The following CPA3 variants were observed in gnomAD, a reference collection of about 807,000 sequenced individuals.
The protein encoded by CPA3 is carboxypeptidase A3.
CPA3 carries 52 observed loss-of-function variants against 55.8 expected under a neutral mutation model. That is an observed-to-expected ratio of 0.93 (90% CI 0.75 to 1.17). The LOEUF (loss-of-function observed/expected upper bound fraction) is 1.17, where lower values mean the gene tolerates loss of function less well. Ranked by LOEUF, CPA3 falls within the 50% of genes most tolerant of loss-of-function variation. The pLI, the probability that CPA3 is intolerant of heterozygous loss-of-function variation, is 0.00. For synonymous variants in CPA3, 179 were observed against 171.2 expected, an observed-to-expected ratio of 1.05 and a Z score of -0.36; for missense variants, 547 against 509.1, an observed-to-expected ratio of 1.07 and a Z score of -0.72.
intron 3 of CPA3, among the ~76,000 whole-genome samples, chr3:148,877,539 G>C (rs986617191): frequency 6.6e-6 from 1 of 151,816 alleles, no homozygotes; most frequent in East Asian, 1.9e-4. Context: ...GGAAGATAAG[G>C]TGTAAGCCGT....
At chr3:148,893,483 A>G (rs978887949) in intron 10 of CPA3, among the ~76,000 whole-genome samples, 2 of 152,174 alleles carry the variant, frequency 1.3e-5, no homozygotes, top group Admixed American at 1.3e-4. Flanking sequence ...CGCTCTGAAG[A>G]CAGAAAATAA....
At position 148,865,971 on chromosome 3, in the gene CPA3, C is replaced by T. The variant is rs555248329; in HGVS notation, c.144+423C>T. 3.3e-5 allele frequency among the ~76,000 whole-genome samples: 5 copies of T among 152,288 alleles called. No homozygotes were observed. The South Asian group carries it at 1.0e-3, about 32-fold the overall frequency. The stretch of plus-strand genomic sequence containing the variant: ...GGCTAATATCAAGATGTGACCCTTT[C>T]CAAGAGCAGGTACATTTTCAAATAA... On this transcript the variant is annotated intron_variant, in intron 2 of 10. Coordinates refer to ENST00000296046, the MANE Select transcript of CPA3 (RefSeq NM_001870.4).
chr3:148,879,738 T>C (rs965546790), intron 5 of CPA3, 50 bp from the exon 6 acceptor site: 5 of 1,200,814 alleles, frequency 4.2e-6, no homozygotes, highest in African/African-American at 1.5e-5. Context: ...CAACAAGGGA[T>C]CAATGTGTGA....
chr3:148,873,122 AAT>A (rs1714111967), intron 3 of CPA3, among the ~76,000 whole-genome samples: 2 of 151,572 alleles, frequency 1.3e-5, no homozygotes, highest in African/African-American at 4.9e-5. Flanking sequence ...CCTCCCAGTG[AAT>A]AAATGAGTAG....
At position 148,878,561 on chromosome 3, in the gene CPA3, T is replaced by G. The variant is rs553566790; in HGVS notation, c.372+18T>G. 9 of 1,585,510 alleles carry G rather than the reference T, an allele frequency of 5.7e-6. No individual in the cohort carries two copies. The South Asian group carries it at 1.0e-4, about 18-fold the overall frequency. On this transcript the variant is annotated intron_variant, in intron 4 of 10. Transcript: ENST00000296046. ...GGGAAAAGGTACAGTAAAAAATGCCTGTACTTTTTTTTAAGTTACCCTTAA... is the reference window on the plus strand; with the variant it reads ...GGGAAAAGGTACAGTAAAAAATGCCGGTACTTTTTTTTAAGTTACCCTTAA...
chr3:148,865,620 A>G lies in CPA3; in HGVS notation c.144+72A>G, dbSNP rs186016274. The G allele has an allele frequency of 2.5e-4, 331 of 1,332,086 alleles. No individual in the cohort carries two copies. The African/African-American group carries it at 4.0e-3, about 16-fold the overall frequency. 82.5% of individuals were successfully genotyped at this position (1,332,086 alleles called of 1,614,324 possible). A position where few individuals can be genotyped will look rare whatever the true frequency, so the allele number is the denominator to read the frequency against. Reference sequence around the variant, plus strand: ...AGATGCTTCTTCTTATTTTACTGTCAATGCCCATGGGACTACAAAAGACTA... The same window carrying G: ...AGATGCTTCTTCTTATTTTACTGTCGATGCCCATGGGACTACAAAAGACTA... On this transcript the variant is annotated intron_variant, in intron 2 of 10. Transcript: ENST00000296046.
At chr3:148,866,075 T>TG (rs1362143117) in intron 2 of CPA3, among the ~76,000 whole-genome samples, 2 of 152,244 alleles carry the variant, frequency 1.3e-5, no homozygotes, top group African/African-American at 2.4e-5. Flanking sequence ...CTCCTATTTA[T>TG]GTTGCACCAG....
At chr3:148,892,208 T>G (rs971601807) in intron 10 of CPA3, among the ~76,000 whole-genome samples, 22 of 152,004 alleles carry the variant, frequency 1.4e-4, no homozygotes, top group African/African-American at 5.3e-4. Flanking sequence ...TCTCCTCAGG[T>G]CCCTCCTCTT....
chr3:148,873,373 A>ACG (rs142730237), intron 3 of CPA3, among the ~76,000 whole-genome samples: 4,399 of 126,264 alleles, frequency 0.035, 103 homozygotes, highest in Middle Eastern at 0.096. Flanking sequence ...ACGCGCGCAC[A>ACG]CGCGCACACA....
At chr3:148,869,080 A>G in intron 3 of CPA3, 41 bp downstream of exon 3, 1 of 1,603,702 alleles carries the variant, frequency 6.2e-7, no homozygotes, top group Non-Finnish European at 8.5e-7. Context: ...GGATATTCAA[A>G]GTTTTGGGAG....
In CPA3 at chr3:148,883,960, A is replaced by C. The variant is rs1329772081; in HGVS notation, c.981+145A>C. ...TGAAATTTGCCTTGAAGTTAAAATC[A>C]TGATCTTTAGATTGATTTTTCATTG... On this transcript the variant is annotated intron_variant, in intron 9 of 10. Transcript: ENST00000296046. 5 of 641,950 alleles carry C rather than the reference A, an allele frequency of 7.8e-6. No individual in the cohort carries two copies. The African/African-American group carries it at 9.2e-5, about 12-fold the overall frequency. The allele number at this position is 641,950 out of a possible 1,614,324, so 39.8% of individuals were successfully genotyped here. A position where few individuals can be genotyped will look rare whatever the true frequency, so the allele number is the denominator to read the frequency against.
chr3:148,870,485 C>CA (rs1350734330), intron 3 of CPA3, among the ~76,000 whole-genome samples: 2 of 151,936 alleles, frequency 1.3e-5, no homozygotes, highest in Admixed American at 1.3e-4. Flanking sequence ...CATAAGTGAG[C>CA]AAAAAACATT....
intron 4 of CPA3, 48 bp from the exon 5 acceptor site, chr3:148,878,599 T>G: frequency 6.4e-7 from 1 of 1,565,954 alleles, no homozygotes; most frequent in East Asian, 2.2e-5. Context: ...TTTATTGTCA[T>G]TTTGTTTTCT....
intron 10 of CPA3, 45 bp from the exon 11 acceptor site, chr3:148,896,475 T>C (rs1486785748): frequency 7.0e-7 from 1 of 1,432,546 alleles, no homozygotes; most frequent in African/African-American, 1.4e-5. Flanking sequence ...TAAAAAAACA[T>C]TAGCATTTGT....
intron 3 of CPA3, among the ~76,000 whole-genome samples, chr3:148,876,211 T>C (rs1163517522): frequency 6.6e-6 from 1 of 151,398 alleles, no homozygotes; most frequent in Admixed American, 6.6e-5. Context: ...AAAATATATA[T>C]ATATATAAAT....
intron 3 of CPA3, among the ~76,000 whole-genome samples, chr3:148,871,284 T>G (rs1190493039): frequency 2.0e-5 from 3 of 152,218 alleles, no homozygotes; most frequent in Admixed American, 2.0e-4. Context: ...TATGATAAAC[T>G]AATTCTTACA....
intron 4 of CPA3, 37 bp downstream of exon 4, chr3:148,878,580 C>A: frequency 6.4e-7 from 1 of 1,560,526 alleles, no homozygotes; most frequent in Non-Finnish European, 8.8e-7. Flanking sequence ...TTTTAAGTTA[C>A]CCTTAATATT....
intron 3 of CPA3, among the ~76,000 whole-genome samples, chr3:148,875,038 C>T (rs1714169563): frequency 1.3e-5 from 2 of 152,152 alleles, no homozygotes; most frequent in South Asian, 4.1e-4. Flanking sequence ...CAGAGGGTAA[C>T]TAAGCCACCC....
At chr3:148,889,069 T>A (rs935225198) in intron 10 of CPA3, among the ~76,000 whole-genome samples, 1 of 152,212 alleles carries the variant, frequency 6.6e-6, no homozygotes, top group Non-Finnish European at 1.5e-5. Flanking sequence ...TTTTATTACA[T>A]TATACTACAA....
Sources: allele counts gnomAD v4.1 joint callset (sites outside exome capture counted in the v4.1 genomes callset), GRCh38; gene constraint gnomAD v4.1.1; transcripts MANE v1.5; gene names NCBI Gene and HGNC (gene_info 2026-07-23, HGNC 2026-07-21).